The following ABR variants were observed in gnomAD, a reference collection of about 807,000 sequenced individuals.
ABR encodes the protein ABR activator of RhoGEF and GTPase.
Under a neutral mutation model 107.2 loss-of-function variants are expected in ABR, and 35 were observed. That is an observed-to-expected ratio of 0.33 (90% confidence interval 0.25 to 0.43). ABR has a LOEUF of 0.43. Among genes scored for constraint, ABR ranks in the 20% least tolerant of loss-of-function variants. The probability of loss-of-function intolerance (pLI) is 1.00; values close to 1 mark genes in which losing one functional copy is unlikely to be tolerated. For missense variants in ABR, 815 were observed against 1,115.2 expected, an observed-to-expected ratio of 0.73 and a Z score of 3.83; for synonymous variants, 498 against 462.0, an observed-to-expected ratio of 1.08 and a Z score of -1.00.
At chr17:1,125,133 C>A in intron 2 of ABR, 50 bp downstream of exon 2, 1 of 1,517,540 alleles carries the variant, frequency 6.6e-7, no homozygotes, top group Non-Finnish European at 8.8e-7. Context: ...GATGCCCAGG[C>A]CTTCCCGTCA....
intron 2 of ABR, among the ~76,000 whole-genome samples, chr17:1,121,045 T>G (rs1280769966): frequency 6.6e-6 from 1 of 152,188 alleles, no homozygotes; most frequent in Non-Finnish European, 1.5e-5. Context: ...AACTGGGCAG[T>G]CTCCGCTGAA....
chr17:1,037,686 G>A lies in ABR; in HGVS notation c.1791+12364C>T, dbSNP rs2073300835. ...CTCCTCCCGGGAAGGAGGGGGTGTG[G>A]CCGGGTCTCCCAGCACAGCCATAAA... On this transcript the variant is annotated intron_variant, in intron 16 of 22. Coordinates refer to ENST00000302538, the MANE Select transcript of ABR (RefSeq NM_021962.5). This position sits in a 1 kb window ranked among gnomAD's most constrained non-coding sequence, Gnocchi z 4.6. 6.6e-6 allele frequency among the ~76,000 whole-genome samples: 1 copy of A among 152,142 alleles called. No individual in the cohort carries two copies. Among genetic ancestry groups the A allele is most frequent in the East Asian group, 1.9e-4 (1 of 5,190 alleles).
intron 1 of ABR, among the ~76,000 whole-genome samples, chr17:1,204,305 C>T (rs780467299): frequency 7.2e-5 from 11 of 152,128 alleles, no homozygotes; most frequent in Non-Finnish European, 1.2e-4. Flanking sequence ...ATTATCCGGG[C>T]GTGGTGGTGC....
Position 1,084,093 on chromosome 17 carries a change from C to T in ABR, c.532-466G>A, listed in dbSNP as rs577331603. Among the ~76,000 whole-genome samples, 2 of 152,304 alleles carry T rather than the reference C, an allele frequency of 1.3e-5. No individual in the cohort carries two copies. Among genetic ancestry groups the T allele is most frequent in the African/African-American group, 4.8e-5 (2 of 41,578 alleles). On this transcript the variant is annotated intron_variant, in intron 4 of 22. Coordinates refer to ENST00000302538, the MANE Select transcript of ABR (RefSeq NM_021962.5). This position sits in a 1 kb window ranked among gnomAD's most constrained non-coding sequence, Gnocchi z 4.2. ...TCCCCACGTGCAGCGTGGGGAACGA[C>T]ATTTAAAGGTGCTGTCTTGGCCGGG... is the stretch of plus-strand genomic sequence containing the variant.
At chr17:1,012,540 T>C (rs1355788722) in intron 18 of ABR, 148 bp downstream of exon 18, 4 of 704,622 alleles carry the variant, frequency 5.7e-6, no homozygotes, top group East Asian at 2.7e-5. Context: ...GCGGCCACTC[T>C]AGATCCACAC....
At chr17:1,205,818 C>G (rs1331969959) in intron 1 of ABR, among the ~76,000 whole-genome samples, 5 of 152,206 alleles carry the variant, frequency 3.3e-5, no homozygotes, top group Non-Finnish European at 7.3e-5. Flanking sequence ...TGGTGCATGC[C>G]TGTAGTCCCA....
chr17:1,005,345 G>A lies in ABR; in HGVS notation c.*735C>T, dbSNP rs2069940913. ...GGAGATTCCCAAACGGAAAATTCCAGAAATGGGCGCTCCAGCTCTGTGCTA... is the reference window on the plus strand; with the variant it reads ...GGAGATTCCCAAACGGAAAATTCCAAAAATGGGCGCTCCAGCTCTGTGCTA... On this transcript the variant is annotated 3_prime_UTR_variant, in exon 23 of 23. Transcript: ENST00000302538. The A allele has an allele frequency of 2.5e-6, 1 of 394,034 alleles. No homozygotes were observed. Among genetic ancestry groups the A allele is most frequent in the South Asian group, 1.4e-4 (1 of 6,994 alleles). 24.4% of individuals were successfully genotyped at this position (394,034 alleles called of 1,614,324 possible). A position where few individuals can be genotyped will look rare whatever the true frequency, so the allele number is the denominator to read the frequency against.
intron 16 of ABR, among the ~76,000 whole-genome samples, chr17:1,019,011 C>T (rs1310072248): frequency 6.6e-6 from 1 of 152,176 alleles, no homozygotes; most frequent in African/African-American, 2.4e-5. Context: ...GTGTGAAGTC[C>T]ATGACCCGCA....
intron 1 of ABR, among the ~76,000 whole-genome samples, chr17:1,133,752 C>G (rs28408143): frequency 0.079 from 12,079 of 152,200 alleles, 542 homozygotes; most frequent in Middle Eastern, 0.17. Context: ...ACTCTACCCT[C>G]GTTTTCTAGG....
chr17:1,123,113 T>C (rs1021261847), intron 2 of ABR, among the ~76,000 whole-genome samples: 1 of 152,116 alleles, frequency 6.6e-6, no homozygotes, highest in Non-Finnish European at 1.5e-5. Context: ...GCACCCCGTG[T>C]AAACAGCAAT....
chr17:1,021,351 AC>A (rs1459060301), intron 16 of ABR, among the ~76,000 whole-genome samples: 1 of 150,712 alleles, frequency 6.6e-6, no homozygotes, highest in Non-Finnish European at 1.5e-5. Context: ...CCAGGAGCTG[AC>A]CCCCCGAGGA....
At chr17:1,079,877 C>A (rs1340643237) in intron 5 of ABR, among the ~76,000 whole-genome samples, 1 of 151,096 alleles carries the variant, frequency 6.6e-6, no homozygotes, top group Non-Finnish European at 1.5e-5. Context: ...CACCCCAATC[C>A]CCTGCACCAC....
In ABR at chr17:1,006,008, T is replaced by C; in HGVS notation, c.*72A>G. 7.2e-7 allele frequency: 1 copy of C among 1,380,364 alleles called. No individual in the cohort carries two copies. Among genetic ancestry groups the C allele is most frequent in the Non-Finnish European group, 1.0e-6 (1 of 992,238 alleles). The allele number at this position is 1,380,364 out of a possible 1,614,324, so 85.5% of individuals were successfully genotyped here. On this transcript the variant is annotated 3_prime_UTR_variant, in exon 23 of 23. Transcript: ENST00000302538. ...GGTTTGGGAGTTTTCTATTGCAGTC[T>C]TTCAAGTCTGAGTTGGACCCCAGGC...
chr17:1,099,872 A>C (rs963734568), intron 3 of ABR, among the ~76,000 whole-genome samples: 1 of 152,180 alleles, frequency 6.6e-6, no homozygotes, highest in African/African-American at 2.4e-5. Context: ...TCATGCCTGT[A>C]ATCCCAGCAC....
At chr17:1,145,631 A>T (rs1316660496) in intron 1 of ABR, among the ~76,000 whole-genome samples, 1 of 152,216 alleles carries the variant, frequency 6.6e-6, no homozygotes, top group Non-Finnish European at 1.5e-5. Context: ...ATTAAATGAC[A>T]ATCTAGTGCT....
rs1344777996 is a variant in ABR, at chr17:1,172,937, G to A, written c.61+6730C>T. ...AGAAAAGTGCCAAGAATATAGAACAGAGCAGGTAATCCACCCCCCCCATCA... is the reference window on the plus strand; with the variant it reads ...AGAAAAGTGCCAAGAATATAGAACAAAGCAGGTAATCCACCCCCCCCATCA... On this transcript the variant is annotated intron_variant, in intron 1 of 22. Transcript: ENST00000302538. 3.0e-5 allele frequency among the ~76,000 whole-genome samples: 4 copies of A among 131,776 alleles called. No homozygotes were observed. In the East Asian group the frequency reaches 8.1e-4, roughly 27 times the overall value. 86.5% of individuals were successfully genotyped at this position (131,776 alleles called of 152,430 possible).
intron 5 of ABR, 121 bp downstream of exon 5, chr17:1,083,399 A>G: frequency 1.8e-6 from 1 of 570,670 alleles, no homozygotes; most frequent in East Asian, 2.9e-5. Context: ...ATATCAGGCT[A>G]AGTGTTACCC....
At chr17:1,024,606 C>A (rs940956894) in intron 16 of ABR, among the ~76,000 whole-genome samples, 2 of 151,884 alleles carry the variant, frequency 1.3e-5, no homozygotes, top group Non-Finnish European at 2.9e-5. Context: ...CGCAACATAA[C>A]GAAACCTCGT....
In ABR at chr17:1,012,691, G is replaced by A. The variant is rs750218616; in HGVS notation, c.1958C>T (p.Thr653Met). The A allele has an allele frequency of 3.1e-5, 49 of 1,575,450 alleles. No homozygotes were observed. Among genetic ancestry groups the A allele is most frequent in the South Asian group, 7.0e-5 (6 of 86,232 alleles). ...GGAGACCCGAGGCAGCACCTACTTC[G>A]TCACCACGCTGATCTTCACACCGAA... ...GVFGVKISVV[T>M]KRERSKVPYI... Residue 653 changes from threonine to methionine, a missense_variant, in exon 18 of 23, where the codon ACG becomes ATG. By Grantham distance (81) the Thr-to-Met change is moderately conservative. Around this residue, in one of 5 missense-constraint regions of ABR, gnomAD observed 175 missense variants for 284.3 expected, o/e 0.62. Coordinates refer to ENST00000302538, the MANE Select transcript of ABR (RefSeq NM_021962.5).
Sources: gnomAD v4.1 joint callset for allele counts (sites outside exome capture counted in the v4.1 genomes callset) on GRCh38, gnomAD v4.1.1 for gene constraint, gnomAD v4.1.1 regional missense constraint, Gnocchi (gnomAD v3.1) non-coding constraint, MANE v1.5 for transcripts, NCBI Gene and HGNC (gene_info 2026-07-23, HGNC 2026-07-21) for gene names.